Variants in JAK2 observed in about 807,000 individuals in gnomAD.
JAK2 encodes tyrosine-protein kinase JAK2.
In JAK2, 86 loss-of-function variants were observed where a neutral mutation model predicts 139.3. The ratio of observed to expected loss-of-function variants is 0.62; its 90% CI spans 0.52 to 0.74. The LOEUF (loss-of-function observed/expected upper bound fraction) is 0.74. Ranked by LOEUF, JAK2 falls within the 30% of genes least tolerant of loss-of-function variation. The probability of loss-of-function intolerance (pLI) is 0.00; values close to 1 mark genes in which losing one functional copy is unlikely to be tolerated. For synonymous variants in JAK2, 490 were observed against 437.7 expected, an observed-to-expected ratio of 1.12 and a Z score of -1.49; for missense variants, 1,421 against 1,360.3, an observed-to-expected ratio of 1.04 and a Z score of -0.70.
At position 5,105,936 on chromosome 9, in the gene JAK2, G is replaced by GT. The variant is rs549165937; in HGVS notation, c.3059+15027dup. On this transcript the variant is annotated intron_variant, in intron 22 of 24. Transcript: ENST00000381652. ...TTCAAGATGGATTAAAGACTTAAAT[G>GT]TTAGACTTAAAACCATAAAAGCCCT... 7.9e-5 allele frequency among the ~76,000 whole-genome samples: 12 copies of GT among 152,322 alleles called. No individual in the cohort carries two copies. The South Asian group carries it at 2.3e-3, about 29-fold the overall frequency.
At chr9:4,998,008 G>C (rs941810459) in intron 2 of JAK2, among the ~76,000 whole-genome samples, 3 of 152,004 alleles carry the variant, frequency 2.0e-5, no homozygotes, top group Non-Finnish European at 4.4e-5. Context: ...TAGCATGGCA[G>C]TATTTTAAAA....
chr9:4,988,718 C>G (rs1043683682), intron 2 of JAK2, among the ~76,000 whole-genome samples: 1 of 152,142 alleles, frequency 6.6e-6, no homozygotes, highest in African/African-American at 2.4e-5. Context: ...ACTTGTTGTA[C>G]TAGTCACTTC....
chr9:5,054,496 A>T lies in JAK2; in HGVS notation c.615-67A>T. ...GGAAAAAGGTGGTAACTTCTTTTTC[A>T]ATTTTTAGATTTATCTTCCAATTTT... On this transcript the variant is annotated intron_variant, in intron 6 of 24. Transcript: ENST00000381652. The surrounding 1 kb of genome is among the most constrained non-coding windows in gnomAD (Gnocchi z 4.9). The T allele has an allele frequency of 7.3e-7, 1 of 1,361,080 alleles. No individual in the cohort carries two copies. Among genetic ancestry groups the T allele is most frequent in the Non-Finnish European group, 1.0e-6 (1 of 994,034 alleles). The allele number at this position is 1,361,080 out of a possible 1,614,324, so 84.3% of individuals were successfully genotyped here. A position where few individuals can be genotyped will look rare whatever the true frequency, so the allele number is the denominator to read the frequency against.
chr9:5,117,894 G>C (rs1240043063), intron 22 of JAK2, among the ~76,000 whole-genome samples: 3 of 152,110 alleles, frequency 2.0e-5, no homozygotes, highest in East Asian at 1.9e-4. Flanking sequence ...GAGGATCTAG[G>C]CCACTGGTTT....
intron 19 of JAK2, among the ~76,000 whole-genome samples, chr9:5,087,502 C>T (rs565854856): frequency 4.6e-5 from 4 of 87,682 alleles, no homozygotes; most frequent in Non-Finnish European, 7.9e-5. Flanking sequence ...TTTCCTGGTC[C>T]TATCTCAAAC....
rs527982744 is a variant in JAK2, at chr9:5,005,083, A to ATTTTT, written c.-25-16835_-25-16831dup. 3.5e-4 allele frequency among the ~76,000 whole-genome samples: 14 copies of ATTTTT among 40,032 alleles called. 4 individuals carry two copies. Among genetic ancestry groups the ATTTTT allele is most frequent in the South Asian group, 2.1e-3 (2 of 966 alleles). 26.3% of individuals were successfully genotyped at this position (40,032 alleles called of 152,430 possible). On this transcript the variant is annotated intron_variant, in intron 2 of 24. Coordinates refer to ENST00000381652, the MANE Select transcript of JAK2 (RefSeq NM_004972.4). ...AGGCATGTGCCAGCATGCCTGGCTAATTTTTTTTTTTTTTTTTTTTTTTTT... is the reference window on the plus strand; with the variant it reads ...AGGCATGTGCCAGCATGCCTGGCTAATTTTTTTTTTTTTTTTTTTTTTTTTTTTTT...
intron 3 of JAK2, 122 bp from the exon 4 acceptor site, chr9:5,029,661 T>G: frequency 1.3e-6 from 1 of 790,426 alleles, no homozygotes; most frequent in Non-Finnish European, 2.0e-6. Context: ...AGATTTCGAC[T>G]GCTATTACAT....
chr9:5,033,788 G>T (rs1011943627), intron 4 of JAK2, among the ~76,000 whole-genome samples: 1 of 152,042 alleles, frequency 6.6e-6, no homozygotes. Flanking sequence ...GCAAAAACAC[G>T]CCAAATTGTA....
chr9:5,115,352 C>G (rs1047776145), intron 22 of JAK2, among the ~76,000 whole-genome samples: 2 of 152,094 alleles, frequency 1.3e-5, no homozygotes, highest in African/African-American at 2.4e-5. Context: ...AAATCAAAAC[C>G]AGAGTGAGGT....
intron 4 of JAK2, chr9:5,041,619 C>T (rs1390551574): frequency 2.8e-5 from 14 of 496,794 alleles, no homozygotes; most frequent in Non-Finnish European, 4.9e-5. Context: ...TGACTACATG[C>T]GGCGCCTGGA....
intron 4 of JAK2, among the ~76,000 whole-genome samples, chr9:5,043,966 A>G (rs1816809448): frequency 6.6e-6 from 1 of 152,216 alleles, no homozygotes; most frequent in Admixed American, 6.5e-5. Flanking sequence ...ATATCTCAAT[A>G]AAGGTGTTAC....
chr9:5,112,187 T>G (rs2130803218), intron 22 of JAK2: 1 of 261,894 alleles, frequency 3.8e-6, no homozygotes, highest in Admixed American at 4.9e-5. Flanking sequence ...GCGCTGGCCT[T>G]GGGCTTCGCC....
At chr9:5,089,599 T>G (rs1820413552) in intron 19 of JAK2, 75 bp from the exon 20 acceptor site, 6 of 492,630 alleles carry the variant, frequency 1.2e-5, no homozygotes, top group Non-Finnish European at 1.9e-5. Context: ...TAGAATTTTC[T>G]ATATAATTAT....
intron 19 of JAK2, chr9:5,086,149 C>T: frequency 2.7e-6 from 1 of 367,246 alleles, no homozygotes. Flanking sequence ...CCCCGCAAGG[C>T]TCGGGGAGCG....
chr9:5,069,855 T>C (rs1287039567), intron 11 of JAK2, 70 bp from the exon 12 acceptor site: 37 of 990,852 alleles, frequency 3.7e-5, no homozygotes, highest in Non-Finnish European at 7.2e-6. Context: ...CATTTCATTT[T>C]ACTCCTCTTT....
intron 5 of JAK2, among the ~76,000 whole-genome samples, chr9:5,046,209 T>C (rs1816996665): frequency 6.6e-6 from 1 of 152,220 alleles, no homozygotes; most frequent in Admixed American, 6.5e-5. Context: ...GCTATTTGTT[T>C]ATCTTCTTTG....
Position 5,126,987 on chromosome 9 carries a change from A to C in JAK2, c.*196A>C. On this transcript the variant is annotated 3_prime_UTR_variant, in exon 25 of 25. Coordinates refer to ENST00000381652, the MANE Select transcript of JAK2 (RefSeq NM_004972.4). ...CATGAGGCCACCAGTAAAAGACATT[A>C]ATGAGAATTCCTTAGCAAGGATTTT... The C allele has an allele frequency of 3.0e-6, 1 of 334,224 alleles. No individual in the cohort carries two copies. 20.7% of individuals were successfully genotyped at this position (334,224 alleles called of 1,614,324 possible).
chr9:5,011,418 G>A (rs1821692580), intron 2 of JAK2, among the ~76,000 whole-genome samples: 1 of 152,040 alleles, frequency 6.6e-6, no homozygotes, highest in Non-Finnish European at 1.5e-5. Flanking sequence ...TTGAACTCCT[G>A]GACTCAAGCA....
intron 2 of JAK2, among the ~76,000 whole-genome samples, chr9:5,002,337 A>G (rs528733847): frequency 6.6e-6 from 1 of 151,948 alleles, no homozygotes; most frequent in African/African-American, 2.4e-5. Context: ...TTTATTGTTT[A>G]TTATCATTCA....
Sources: gnomAD v4.1 joint callset for allele counts (sites outside exome capture counted in the v4.1 genomes callset) on GRCh38, gnomAD v4.1.1 for gene constraint, Gnocchi (gnomAD v3.1) non-coding constraint, MANE v1.5 for transcripts, NCBI Gene and HGNC (gene_info 2026-07-23, HGNC 2026-07-21) for gene names.